The following MAGI1 variants were observed in gnomAD, a reference collection of about 807,000 sequenced individuals.
The protein encoded by MAGI1 is membrane associated guanylate kinase, WW and PDZ domain containing 1.
A neutral mutation model predicts 139.9 loss-of-function variants in MAGI1; 58 were observed. The observed-to-expected ratio is 0.41, with a 90% CI of 0.34 to 0.52. The LOEUF is 0.52. Among genes scored for constraint, MAGI1 ranks in the 20% least tolerant of loss-of-function variants. The pLI is 0.12. For missense variants in MAGI1, 1,874 were observed against 1,901.6 expected (o/e 0.99, Z 0.27); for synonymous variants, 812 against 737.9 (o/e 1.10, Z -1.63).
chr3:65,558,675 C>T (rs999865714), intron 2 of MAGI1, among the ~76,000 whole-genome samples: 2 of 151,682 alleles, frequency 1.3e-5, no homozygotes, highest in Admixed American at 6.6e-5. Flanking sequence ...GGGGTGCATG[C>T]TAAAAACAAA....
intron 1 of MAGI1, among the ~76,000 whole-genome samples, chr3:66,003,154 G>A (rs545379672): frequency 1.3e-5 from 2 of 152,268 alleles, no homozygotes; most frequent in South Asian, 4.1e-4. Context: ...AGGGCAGTTG[G>A]TGCAAAACTA....
chr3:65,940,768 C>T (rs1229609911), intron 1 of MAGI1, among the ~76,000 whole-genome samples: 1 of 152,184 alleles, frequency 6.6e-6, no homozygotes, highest in African/African-American at 2.4e-5. Context: ...AAGTGCGTAT[C>T]AGACTGCACA....
At chr3:66,001,878 T>A (rs984243655) in intron 1 of MAGI1, among the ~76,000 whole-genome samples, 6 of 152,160 alleles carry the variant, frequency 3.9e-5, no homozygotes, top group African/African-American at 1.4e-4. Flanking sequence ...AGCTGAAAGC[T>A]CTCACATATA....
intron 2 of MAGI1, among the ~76,000 whole-genome samples, chr3:65,582,469 A>G (rs1277988653): frequency 6.6e-6 from 1 of 152,198 alleles, no homozygotes; most frequent in Non-Finnish European, 1.5e-5. Context: ...GGAGAGGATG[A>G]TTTTAAACAT....
intron 2 of MAGI1, among the ~76,000 whole-genome samples, chr3:65,610,323 T>C (rs535254888): frequency 1.3e-5 from 2 of 152,240 alleles, no homozygotes; most frequent in African/African-American, 4.8e-5. Flanking sequence ...CAAACTTCTA[T>C]CCACTGGGGA....
intron 1 of MAGI1, chr3:65,902,897 G>C (rs956131516): frequency 6.6e-6 from 1 of 152,402 alleles, no homozygotes. Context: ...AAAAGGAATA[G>C]AATGAAAGGG....
At chr3:65,721,635 C>T (rs569166481) in intron 1 of MAGI1, among the ~76,000 whole-genome samples, 7 of 152,224 alleles carry the variant, frequency 4.6e-5, no homozygotes, top group Admixed American at 2.0e-4. Context: ...CAAATGGATG[C>T]CTCTGGGTGT....
At chr3:65,380,073 G>A (rs750505708) in intron 16 of MAGI1, among the ~76,000 whole-genome samples, 14 of 152,204 alleles carry the variant, frequency 9.2e-5, no homozygotes, top group Admixed American at 2.0e-4. Flanking sequence ...CCCTATGTGG[G>A]GTTCATGACA....
chr3:65,668,621 C>T (rs12632621), intron 1 of MAGI1, among the ~76,000 whole-genome samples: 12,287 of 128,002 alleles, frequency 0.096, 761 homozygotes, highest in East Asian at 0.36. Flanking sequence ...GGCTGGAGTG[C>T]AGTGGTGCAA....
At chr3:65,698,936 G>A (rs2089403398) in intron 1 of MAGI1, among the ~76,000 whole-genome samples, 2 of 133,418 alleles carry the variant, frequency 1.5e-5, no homozygotes, top group South Asian at 4.7e-4. Flanking sequence ...AGAGTGAACA[G>A]GCAACCTACA....
At chr3:65,802,848 CTGTGTGTGTGTGTGTGTGTGTG>C (rs55814110) in intron 1 of MAGI1, among the ~76,000 whole-genome samples, 1 of 138,134 alleles carries the variant, frequency 7.2e-6, no homozygotes, top group Non-Finnish European at 1.5e-5. Flanking sequence ...ATCATCTCAT[CTGTGTGTGTGTGTGTGTGTGTG>C]TGTGTGTGTG....
intron 1 of MAGI1, among the ~76,000 whole-genome samples, chr3:65,636,641 C>A (rs1410799304): frequency 1.3e-5 from 2 of 151,896 alleles, no homozygotes; most frequent in Non-Finnish European, 2.9e-5. Context: ...GACTAAAGAG[C>A]AAACGGGCAA....
Position 65,648,409 on chromosome 3 carries a change from C to T in MAGI1, c.314-26321G>A, listed in dbSNP as rs1210748219. 2.0e-5 allele frequency among the ~76,000 whole-genome samples: 3 copies of T among 152,124 alleles called. No homozygotes were observed. In the South Asian group the frequency reaches 6.2e-4, roughly 31 times the overall value. On this transcript the variant is annotated intron_variant, in intron 1 of 22. Transcript: ENST00000402939. Reference sequence around the variant, plus strand: ...AAGGGATCTTCCTGCCTCAGCCTCCCAAAGTGGTGTGAGCCACTGCACCTG... The same window carrying T: ...AAGGGATCTTCCTGCCTCAGCCTCCTAAAGTGGTGTGAGCCACTGCACCTG...
intron 1 of MAGI1, among the ~76,000 whole-genome samples, chr3:65,661,748 T>TG (rs1208947812): frequency 7.5e-6 from 1 of 133,808 alleles, no homozygotes; most frequent in Non-Finnish European, 1.6e-5. Context: ...TTTTTCTGTT[T>TG]TTTTTTTTTT....
chr3:65,608,910 A>T (rs1386190690), intron 2 of MAGI1, among the ~76,000 whole-genome samples: 1 of 152,212 alleles, frequency 6.6e-6, no homozygotes, highest in African/African-American at 2.4e-5. Flanking sequence ...CACAGCAATT[A>T]AAAAAATCAA....
intron 1 of MAGI1, chr3:65,687,963 A>C: frequency 2.6e-6 from 2 of 759,168 alleles, no homozygotes; most frequent in South Asian, 2.7e-5. Context: ...GTTCACAGTT[A>C]AAGTTATCAT....
chr3:65,449,349 C>T (rs1559562813), intron 6 of MAGI1, among the ~76,000 whole-genome samples: 1 of 152,180 alleles, frequency 6.6e-6, no homozygotes, highest in African/African-American at 2.4e-5. Context: ...ATCTAATTTA[C>T]ACAAAGTCAT....
At chr3:65,576,900 C>T (rs555040313) in intron 2 of MAGI1, among the ~76,000 whole-genome samples, 1 of 152,222 alleles carries the variant, frequency 6.6e-6, no homozygotes, top group African/African-American at 2.4e-5. Context: ...TATGGTTACC[C>T]CTGGGATGTA....
chr3:66,023,457 T>C (rs2068067945), intron 1 of MAGI1, among the ~76,000 whole-genome samples: 1 of 152,170 alleles, frequency 6.6e-6, no homozygotes. Context: ...GCAGCAAACC[T>C]GGTGCCCGAC....
Sources: allele counts gnomAD v4.1 joint callset (sites outside exome capture counted in the v4.1 genomes callset), GRCh38; gene constraint gnomAD v4.1.1; transcripts MANE v1.5; gene names NCBI Gene and HGNC (gene_info 2026-07-23, HGNC 2026-07-21).